Variants in CDH7 observed in about 807,000 individuals in gnomAD.
The protein encoded by CDH7 is cadherin 7.
Under a neutral mutation model 71.8 loss-of-function variants are expected in CDH7, and 25 were observed. That is an observed-to-expected ratio of 0.35 (90% CI 0.25 to 0.49). The LOEUF (loss-of-function observed/expected upper bound fraction) is 0.49. Ranked by LOEUF, CDH7 falls within the 20% of genes least tolerant of loss-of-function variation. The probability of loss-of-function intolerance (pLI) is 0.99; values close to 1 mark genes in which losing one functional copy is unlikely to be tolerated. For synonymous variants in CDH7, 381 were observed against 363.8 expected (o/e 1.05, Z -0.54); for missense variants, 862 against 974.6 (o/e 0.88, Z 1.54).
intron 3 of CDH7, among the ~76,000 whole-genome samples, chr18:65,813,112 C>G (rs972407452): frequency 1.3e-5 from 2 of 152,182 alleles, no homozygotes; most frequent in Admixed American, 6.6e-5. Flanking sequence ...GTGGGCAGAT[C>G]ATCTGAGGTC....
intron 11 of CDH7, among the ~76,000 whole-genome samples, chr18:65,874,432 C>T (rs568452185): frequency 1.3e-5 from 2 of 151,184 alleles, no homozygotes; most frequent in South Asian, 4.3e-4. Flanking sequence ...AAGCCAAATA[C>T]CTCATGTTCT....
intron 11 of CDH7, among the ~76,000 whole-genome samples, chr18:65,871,887 T>C (rs1913937292): frequency 6.6e-6 from 1 of 152,048 alleles, no homozygotes; most frequent in South Asian, 2.1e-4. Flanking sequence ...TCCAAAGAGA[T>C]AGATGAGAGA....
In CDH7 at chr18:65,884,268, G is replaced by A. The variant is rs757899798; in HGVS notation, c.*3374G>A. ...CTCTGAAAGAAATATTCCAAGATCA[G>A]CCAGCTAAGGAACAAAATCAGGAAA... On this transcript the variant is annotated 3_prime_UTR_variant, in exon 12 of 12. Coordinates refer to ENST00000397968, the MANE Select transcript of CDH7 (RefSeq NM_004361.5). 1.3e-5 allele frequency: 2 copies of A among 152,072 alleles called. No individual in the cohort carries two copies. Among genetic ancestry groups the A allele is most frequent in the Non-Finnish European group, 2.9e-5 (2 of 67,976 alleles). 9.4% of individuals were successfully genotyped at this position (152,072 alleles called of 1,614,324 possible).
chr18:65,889,030 A>C lies in CDH7; in HGVS notation c.*8136A>C. Reference sequence around the variant, plus strand: ...GTGACATTAAATTCTGTTTCAATGTAATGAGAAAATAGAAATATTTATATT... The same window carrying C: ...GTGACATTAAATTCTGTTTCAATGTCATGAGAAAATAGAAATATTTATATT... On this transcript the variant is annotated 3_prime_UTR_variant, in exon 12 of 12. Coordinates refer to ENST00000397968, the MANE Select transcript of CDH7 (RefSeq NM_004361.5). 1 of 152,314 alleles carries C rather than the reference A, an allele frequency of 6.6e-6. No homozygotes were observed. The highest frequency in any genetic ancestry group is 1.5e-5 in the Non-Finnish European group (1 of 68,032). 9.4% of individuals were successfully genotyped at this position (152,314 alleles called of 1,614,324 possible).
chr18:65,757,013 T>C (rs1436730755), intron 1 of CDH7, among the ~76,000 whole-genome samples: 1 of 151,862 alleles, frequency 6.6e-6, no homozygotes, highest in Non-Finnish European at 1.5e-5. Flanking sequence ...GCAATTTTGC[T>C]GATTAGTAAT....
chr18:65,810,711 A>G (rs927461605), intron 3 of CDH7, among the ~76,000 whole-genome samples: 2 of 151,752 alleles, frequency 1.3e-5, no homozygotes, highest in African/African-American at 4.8e-5. Flanking sequence ...CCTACCCCCA[A>G]CCCTCCAACA....
At chr18:65,770,215 A>AT (rs1022885627) in intron 2 of CDH7, among the ~76,000 whole-genome samples, 16 of 152,078 alleles carry the variant, frequency 1.1e-4, no homozygotes, top group Middle Eastern at 3.4e-3. Flanking sequence ...TTTGCTTATT[A>AT]TTTTTTTTCT....
chr18:65,870,406 A>G (rs1041645639), intron 11 of CDH7, among the ~76,000 whole-genome samples: 4 of 152,182 alleles, frequency 2.6e-5, no homozygotes, highest in Non-Finnish European at 5.9e-5. Flanking sequence ...TCACAACCAG[A>G]CAGTGGTGGT....
intron 2 of CDH7, among the ~76,000 whole-genome samples, chr18:65,794,077 A>G (rs1051447409): frequency 2.0e-5 from 3 of 152,132 alleles, no homozygotes; most frequent in African/African-American, 7.2e-5. Flanking sequence ...AATAGCACAT[A>G]CTATCAATTA....
At chr18:65,799,179 A>C (rs2143877344) in intron 2 of CDH7, among the ~76,000 whole-genome samples, 1 of 152,210 alleles carries the variant, frequency 6.6e-6, no homozygotes, top group East Asian at 1.9e-4. Context: ...AGCCCCCATT[A>C]GGTAAGAGAA....
intron 2 of CDH7, among the ~76,000 whole-genome samples, chr18:65,797,172 G>T (rs528204794): frequency 6.6e-6 from 1 of 152,170 alleles, no homozygotes; most frequent in African/African-American, 2.4e-5. Flanking sequence ...CAAAATCATG[G>T]CCAGTCTCTC....
intron 6 of CDH7, among the ~76,000 whole-genome samples, chr18:65,838,582 A>C (rs2143976705): frequency 6.6e-6 from 1 of 152,342 alleles, no homozygotes; most frequent in Admixed American, 6.5e-5. Context: ...AACTTGGATC[A>C]ATTCCTGAAA....
intron 6 of CDH7, among the ~76,000 whole-genome samples, chr18:65,836,370 A>G (rs1012991619): frequency 6.6e-6 from 1 of 152,172 alleles, no homozygotes; most frequent in African/African-American, 2.4e-5. Context: ...GGCAGAGCCT[A>G]TTTTAAACTG....
At chr18:65,763,517 G>T (rs933749242) in intron 2 of CDH7, among the ~76,000 whole-genome samples, 3 of 151,916 alleles carry the variant, frequency 2.0e-5, no homozygotes, top group Admixed American at 1.3e-4. Context: ...ACTGCAAAAT[G>T]AAACTATTGA....
intron 4 of CDH7, among the ~76,000 whole-genome samples, chr18:65,820,315 A>T (rs1342730355): frequency 1.3e-5 from 2 of 151,510 alleles, no homozygotes; most frequent in African/African-American, 4.8e-5. Context: ...ACAATTACTG[A>T]TTATTATTAA....
At chr18:65,808,170 C>T (rs1351632622) in intron 2 of CDH7, among the ~76,000 whole-genome samples, 1 of 152,140 alleles carries the variant, frequency 6.6e-6, no homozygotes, top group Non-Finnish European at 1.5e-5. Flanking sequence ...ATGTAACAAA[C>T]CTTCACATGT....
chr18:65,845,245 T>A (rs1286081324), intron 7 of CDH7, among the ~76,000 whole-genome samples: 6 of 149,364 alleles, frequency 4.0e-5, no homozygotes, highest in Non-Finnish European at 8.8e-5. Context: ...ATAGAACTAG[T>A]AAAGGATTGG....
At chr18:65,795,051 A>G (rs1910860734) in intron 2 of CDH7, among the ~76,000 whole-genome samples, 2 of 152,180 alleles carry the variant, frequency 1.3e-5, no homozygotes, top group African/African-American at 4.8e-5. Flanking sequence ...TATGAAGTAA[A>G]GTAGTATAAG....
intron 6 of CDH7, among the ~76,000 whole-genome samples, chr18:65,837,586 A>G (rs1471273347): frequency 1.3e-5 from 2 of 152,186 alleles, no homozygotes. Context: ...TGTCAAGAGG[A>G]TTTTTAAAAG....
Sources: gnomAD v4.1 joint callset for allele counts (sites outside exome capture counted in the v4.1 genomes callset) on GRCh38, gnomAD v4.1.1 for gene constraint, MANE v1.5 for transcripts, NCBI Gene and HGNC (gene_info 2026-07-23, HGNC 2026-07-21) for gene names.